The following TMEM108 variants were observed in gnomAD, a reference collection of about 807,000 sequenced individuals.
The protein encoded by TMEM108 is cancer/testis antigen 124.
TMEM108 carries 12 observed loss-of-function variants against 35.1 expected under a neutral mutation model. That is an observed-to-expected ratio of 0.34 (90% confidence interval 0.22 to 0.55). The LOEUF is 0.55. Ranked by LOEUF, TMEM108 falls within the 20% of genes least tolerant of loss-of-function variation. The pLI is 0.89. For synonymous variants in TMEM108, 287 were observed against 308.6 expected, an observed-to-expected ratio of 0.93 and a Z score of 0.73; for missense variants, 680 against 753.3, an observed-to-expected ratio of 0.90 and a Z score of 1.14.
chr3:133,186,081 T>G (rs1286102620), intron 2 of TMEM108, among the ~76,000 whole-genome samples: 9 of 152,216 alleles, frequency 5.9e-5, no homozygotes, highest in Admixed American at 4.6e-4. Context: ...GCCTTGCATT[T>G]CTAATCAGTC....
chr3:133,072,006 A>G (rs969537509), intron 2 of TMEM108, among the ~76,000 whole-genome samples: 4 of 152,162 alleles, frequency 2.6e-5, no homozygotes, highest in Non-Finnish European at 4.4e-5. Flanking sequence ...ATATGATGTA[A>G]GACAAGCGTC....
intron 2 of TMEM108, among the ~76,000 whole-genome samples, chr3:133,110,321 A>G (rs893786668): frequency 2.0e-5 from 3 of 152,190 alleles, no homozygotes; most frequent in African/African-American, 7.2e-5. Flanking sequence ...CCAACACTGA[A>G]CAGACAGAAA....
Position 133,395,873 on chromosome 3 carries a change from T to G in TMEM108, c.1615T>G (p.Ser539Ala). 6.3e-7 allele frequency: 1 copy of G among 1,585,926 alleles called. No individual in the cohort carries two copies. Among genetic ancestry groups the G allele is most frequent in the East Asian group, 2.3e-5 (1 of 42,782 alleles). The change falls in exon 6 of 6, where the codon TCA becomes GCA. Residue 539 changes from serine (S) to alanine (A), a missense_variant. Physicochemically the swap from Ser to Ala is moderately conservative, Grantham distance 99. This residue lies in a region of TMEM108 where 105 missense variants were observed against 150.7 expected (regional missense o/e 0.70). Coordinates refer to ENST00000321871, the MANE Select transcript of TMEM108 (RefSeq NM_023943.4). Reference protein sequence around the residue: ...QSLETSEDQLSEPRSPANGDY... With the variant: ...QSLETSEDQLAEPRSPANGDY... ...CCCTCTCTCTTCCCAGGACCAGCTC[T>G]CAGAGCCCCGCTCCCCAGCCAATGG...
intron 3 of TMEM108, among the ~76,000 whole-genome samples, chr3:133,364,990 CAAGGCAGCTCTTTT>C (rs1255456900): frequency 6.6e-6 from 1 of 152,202 alleles, no homozygotes; most frequent in Non-Finnish European, 1.5e-5. Flanking sequence ...CAAATTGAAG[CAAGGCAGCTCTTTT>C]AAGGCAGCTC....
At chr3:133,388,739 T>G (rs2073190252) in intron 4 of TMEM108, 4 of 985,468 alleles carry the variant, frequency 4.1e-6, no homozygotes, top group Non-Finnish European at 4.8e-6. Context: ...GGCTGGCAGC[T>G]GGAAAGAAAG....
intron 2 of TMEM108, among the ~76,000 whole-genome samples, chr3:133,220,240 G>C (rs1270776757): frequency 6.6e-6 from 1 of 151,772 alleles, no homozygotes; most frequent in Admixed American, 6.6e-5. Flanking sequence ...TCTCTTGTAG[G>C]CAGTATATAG....
At chr3:133,105,230 A>G (rs986515338) in intron 2 of TMEM108, among the ~76,000 whole-genome samples, 1 of 152,110 alleles carries the variant, frequency 6.6e-6, no homozygotes, top group African/African-American at 2.4e-5. Context: ...GTTTCTTGCC[A>G]TTGTGGGACT....
chr3:133,176,543 T>C (rs1945232380), intron 2 of TMEM108, among the ~76,000 whole-genome samples: 1 of 152,084 alleles, frequency 6.6e-6, no homozygotes, highest in African/African-American at 2.4e-5. Flanking sequence ...ACATGGAAAC[T>C]GAACAACCTG....
intron 2 of TMEM108, among the ~76,000 whole-genome samples, chr3:133,163,067 G>T (rs1000893414): frequency 5.3e-5 from 8 of 152,150 alleles, no homozygotes; most frequent in Non-Finnish European, 2.9e-5. Context: ...CTTCATGCCT[G>T]TCAGTTCTCC....
intron 2 of TMEM108, among the ~76,000 whole-genome samples, chr3:133,215,831 G>A (rs1945900108): frequency 1.3e-5 from 2 of 151,816 alleles, no homozygotes; most frequent in South Asian, 4.2e-4. Context: ...TTTAAGTTGC[G>A]GTATGGTGTT....
At chr3:133,218,926 A>C (rs1945948127) in intron 2 of TMEM108, among the ~76,000 whole-genome samples, 1 of 151,890 alleles carries the variant, frequency 6.6e-6, no homozygotes, top group African/African-American at 2.4e-5. Flanking sequence ...CCTCTTCTTA[A>C]GTTTTTTTTG....
intron 2 of TMEM108, among the ~76,000 whole-genome samples, chr3:133,180,749 G>T (rs546127966): frequency 4.6e-5 from 7 of 152,096 alleles, no homozygotes; most frequent in Admixed American, 1.3e-4. Flanking sequence ...TTTTGATAGT[G>T]ATTGTTGGAG....
At chr3:133,235,702 G>C (rs1383311353) in intron 3 of TMEM108, among the ~76,000 whole-genome samples, 1 of 152,100 alleles carries the variant, frequency 6.6e-6, no homozygotes, top group Non-Finnish European at 1.5e-5. Flanking sequence ...CTAACCAGGA[G>C]CTCTGCTCTA....
chr3:133,177,511 C>T (rs1207933797), intron 2 of TMEM108, among the ~76,000 whole-genome samples: 3 of 152,234 alleles, frequency 2.0e-5, no homozygotes, highest in Non-Finnish European at 2.9e-5. Flanking sequence ...GCTGGTTCAA[C>T]ATACACAAAT....
chr3:133,338,638 G>A (rs561701445), intron 3 of TMEM108, among the ~76,000 whole-genome samples: 1 of 151,880 alleles, frequency 6.6e-6, no homozygotes, highest in African/African-American at 2.4e-5. Context: ...GTATTAGTAA[G>A]TACACAGAAA....
At chr3:133,135,220 C>T (rs1229927356) in intron 2 of TMEM108, among the ~76,000 whole-genome samples, 2 of 148,626 alleles carry the variant, frequency 1.3e-5, no homozygotes, top group African/African-American at 2.5e-5. Flanking sequence ...GGGTCTTTCT[C>T]TCTTCTAATA....
intron 3 of TMEM108, among the ~76,000 whole-genome samples, chr3:133,254,014 A>G (rs1442228773): frequency 6.6e-6 from 1 of 152,190 alleles, no homozygotes; most frequent in Non-Finnish European, 1.5e-5. Context: ...ATGTAAAGGA[A>G]TATATGTCAT....
At chr3:133,123,106 T>C (rs1407205936) in intron 2 of TMEM108, among the ~76,000 whole-genome samples, 2 of 152,226 alleles carry the variant, frequency 1.3e-5, no homozygotes, top group African/African-American at 4.8e-5. Context: ...CGGATACATA[T>C]ATGGATTCCA....
At chr3:133,323,756 C>T (rs1164604246) in intron 3 of TMEM108, among the ~76,000 whole-genome samples, 3 of 152,176 alleles carry the variant, frequency 2.0e-5, no homozygotes, top group African/African-American at 4.8e-5. Context: ...GTTGGCATCA[C>T]ATTACCTGAC....
Sources: allele counts gnomAD v4.1 joint callset (sites outside exome capture counted in the v4.1 genomes callset), GRCh38; gene constraint gnomAD v4.1.1; regional missense constraint gnomAD v4.1.1; transcripts MANE v1.5; gene names NCBI Gene and HGNC (gene_info 2026-07-23, HGNC 2026-07-21).